Variants in PIK3AP1 observed in about 807,000 individuals in gnomAD.
The protein encoded by PIK3AP1 is phosphoinositide 3-kinase adapter protein 1.
PIK3AP1 carries 21 observed loss-of-function variants against 88.1 expected under a neutral mutation model. The ratio of observed to expected loss-of-function variants is 0.24; its 90% CI spans 0.17 to 0.34. The LOEUF is 0.34. Among genes scored for constraint, PIK3AP1 ranks in the 10% least tolerant of loss-of-function variants. The pLI, the probability that PIK3AP1 is intolerant of heterozygous loss-of-function variation, is 1.00. For missense variants in PIK3AP1, 828 were observed against 1,035.7 expected (o/e 0.80, Z 2.75); for synonymous variants, 398 against 400.0 (o/e 1.00, Z 0.06).
chr10:96,607,675 G>A (rs1165746722), intron 14 of PIK3AP1, among the ~76,000 whole-genome samples: 1 of 152,174 alleles, frequency 6.6e-6, no homozygotes, highest in East Asian at 1.9e-4. Context: ...TCCCTCTCCA[G>A]ATCTTGTTGC....
chr10:96,628,042 C>T (rs1005646314), intron 9 of PIK3AP1, among the ~76,000 whole-genome samples: 1 of 152,170 alleles, frequency 6.6e-6, no homozygotes, highest in African/African-American at 2.4e-5. Flanking sequence ...TTGATCATAT[C>T]TTATTTTCCT....
In PIK3AP1 at chr10:96,704,668, G is replaced by A. The variant is rs185230149; in HGVS notation, c.430+4899C>T. On this transcript the variant is annotated intron_variant, in intron 2 of 16. Transcript: ENST00000339364. ...AGGGAGGCAGAGGTAGCAGTGAGCCGAGATTGCGCCACTGTATTCCAGCCT... is the reference window on the plus strand; with the variant it reads ...AGGGAGGCAGAGGTAGCAGTGAGCCAAGATTGCGCCACTGTATTCCAGCCT... 2.4e-3 allele frequency among the ~76,000 whole-genome samples: 365 copies of A among 151,766 alleles called. 1 individual carries two copies. Among genetic ancestry groups the A allele is most frequent in the Middle Eastern group, 0.017 (5 of 294 alleles).
In PIK3AP1 at chr10:96,656,821, G is replaced by A. The variant is rs1192835892; in HGVS notation, c.544C>T (p.Gln182Ter). The A allele has an allele frequency of 1.2e-6, 2 of 1,614,118 alleles. No homozygotes were observed. Among genetic ancestry groups the A allele is most frequent in the Non-Finnish European group, 1.7e-6 (2 of 1,180,024 alleles). Reference protein sequence around the residue: ...VTSPGNLMVVQPDRIRCGAET... With the variant: ...VTSPGNLMVV ...ACCCCACAGCGAATGCGGTCCGGCT[G>A]CACCACCATCAGGTTCCCAGGTGAA... The change falls in exon 3 of 17, where the codon CAG becomes TAG. Residue 182 changes from glutamine to a stop codon, truncating the protein, a stop_gained. Coordinates refer to ENST00000339364, the MANE Select transcript of PIK3AP1 (RefSeq NM_152309.3). LOFTEE classifies it high-confidence loss of function.
chr10:96,628,627 C>T lies in PIK3AP1; in HGVS notation c.1376-134G>A. The T allele has an allele frequency of 2.7e-6, 2 of 743,682 alleles. 1 individual carries two copies. The highest frequency in any genetic ancestry group is 3.4e-5 in the South Asian group (2 of 59,164). The allele number at this position is 743,682 out of a possible 1,614,324, so 46.1% of individuals were successfully genotyped here. Reference sequence around the variant, plus strand: ...TTCATCAATCTATCCATCCCTCCATCCATCCACCTACTCAAGGACACCCAG... The same window carrying T: ...TTCATCAATCTATCCATCCCTCCATTCATCCACCTACTCAAGGACACCCAG... On this transcript the variant is annotated intron_variant, in intron 8 of 16. Transcript: ENST00000339364.
At chr10:96,599,811 T>G (rs1848853324) in intron 16 of PIK3AP1, among the ~76,000 whole-genome samples, 1 of 152,196 alleles carries the variant, frequency 6.6e-6, no homozygotes, top group African/African-American at 2.4e-5. Context: ...TCGTAAACAT[T>G]GTTTCTTTAG....
chr10:96,708,855 G>C (rs1237100469), intron 2 of PIK3AP1, among the ~76,000 whole-genome samples: 1 of 152,122 alleles, frequency 6.6e-6, no homozygotes, highest in Non-Finnish European at 1.5e-5. Flanking sequence ...CCTTGGCGGG[G>C]CACGGAGGCT....
At chr10:96,711,655 TCCA>T (rs1844437798) in intron 1 of PIK3AP1, among the ~76,000 whole-genome samples, 1 of 148,132 alleles carries the variant, frequency 6.8e-6, no homozygotes, top group Admixed American at 6.8e-5. Context: ...CCCCATCCAA[TCCA>T]CCACTATATT....
At position 96,660,113 on chromosome 10, in the gene PIK3AP1, A is replaced by G. The variant is rs140101238; in HGVS notation, c.431-3179T>C. Among the ~76,000 whole-genome samples the G allele has an allele frequency of 2.4e-3, 368 of 152,278 alleles. 2 individuals are homozygous for G. The highest frequency in any genetic ancestry group is 3.9e-3 in the Non-Finnish European group (267 of 68,028). On this transcript the variant is annotated intron_variant, in intron 2 of 16. Transcript: ENST00000339364. ...CCATAAAAACTTAATATGGGATTTT[A>G]AAAAGCATTAAAAACCAGTACAGAT... is the stretch of plus-strand genomic sequence containing the variant.
intron 2 of PIK3AP1, among the ~76,000 whole-genome samples, chr10:96,703,020 G>A (rs1844319381): frequency 6.6e-6 from 1 of 152,038 alleles, no homozygotes; most frequent in Non-Finnish European, 1.5e-5. Context: ...GGGATCACAG[G>A]CACATGCCAC....
At chr10:96,638,412 T>C (rs985003083) in intron 8 of PIK3AP1, among the ~76,000 whole-genome samples, 8 of 151,938 alleles carry the variant, frequency 5.3e-5, no homozygotes, top group Non-Finnish European at 1.2e-4. Flanking sequence ...CAGTCCATGG[T>C]GTTCTGTTAT....
chr10:96,606,140 C>T (rs1437563734), intron 14 of PIK3AP1, among the ~76,000 whole-genome samples: 1 of 151,984 alleles, frequency 6.6e-6, no homozygotes, highest in Non-Finnish European at 1.5e-5. Flanking sequence ...TACTCGTTAC[C>T]CATACACAAC....
chr10:96,614,523 C>A (rs1274694098), intron 13 of PIK3AP1, among the ~76,000 whole-genome samples: 1 of 151,788 alleles, frequency 6.6e-6, no homozygotes, highest in African/African-American at 2.4e-5. Context: ...CCTCTCTGAC[C>A]TTCTGCGATG....
chr10:96,633,914 C>T (rs1021414797), intron 8 of PIK3AP1, among the ~76,000 whole-genome samples: 2 of 152,196 alleles, frequency 1.3e-5, no homozygotes, highest in African/African-American at 4.8e-5. Flanking sequence ...ACAGACAAGG[C>T]TAGCCAGGTG....
At chr10:96,682,738 T>C (rs1844019838) in intron 2 of PIK3AP1, among the ~76,000 whole-genome samples, 1 of 152,162 alleles carries the variant, frequency 6.6e-6, no homozygotes, top group South Asian at 2.1e-4. Flanking sequence ...TAACAGGGTT[T>C]TCCATAAACT....
At chr10:96,660,578 T>C (rs1349033347) in intron 2 of PIK3AP1, among the ~76,000 whole-genome samples, 2 of 152,178 alleles carry the variant, frequency 1.3e-5, no homozygotes, top group African/African-American at 2.4e-5. Context: ...GAATGCAAAA[T>C]GGTACAGCCA....
At chr10:96,677,744 C>A (rs1843944836) in intron 2 of PIK3AP1, among the ~76,000 whole-genome samples, 1 of 152,076 alleles carries the variant, frequency 6.6e-6, no homozygotes, top group Admixed American at 6.6e-5. Flanking sequence ...AGCGTGAGGA[C>A]AAAACATGGT....
chr10:96,612,948 GTGTA>G (rs1405473145), intron 13 of PIK3AP1, among the ~76,000 whole-genome samples: 589 of 45,948 alleles, frequency 0.013, 7 homozygotes, highest in African/African-American at 0.034. Flanking sequence ...TTGTGTGTGT[GTGTA>G]TATATATATA....
chr10:96,698,312 T>C (rs910091716), intron 2 of PIK3AP1, among the ~76,000 whole-genome samples: 17 of 147,144 alleles, frequency 1.2e-4, no homozygotes, highest in Non-Finnish European at 2.6e-4. Flanking sequence ...AAGGGGGGAG[T>C]GGGAAGGAAA....
chr10:96,598,278 T>C (rs1278012406), intron 16 of PIK3AP1, among the ~76,000 whole-genome samples: 2 of 152,072 alleles, frequency 1.3e-5, no homozygotes, highest in Non-Finnish European at 2.9e-5. Flanking sequence ...CTCAAACTCC[T>C]GAGCTCAAGG....
Sources: gnomAD v4.1 joint callset for allele counts (sites outside exome capture counted in the v4.1 genomes callset) on GRCh38, gnomAD v4.1.1 for gene constraint, MANE v1.5 for transcripts, NCBI Gene and HGNC (gene_info 2026-07-23, HGNC 2026-07-21) for gene names.